Variants in TRAPPC11 observed in about 807,000 individuals in gnomAD.
TRAPPC11 encodes trafficking protein particle complex subunit 11.
A neutral mutation model predicts 151.2 loss-of-function variants in TRAPPC11; 104 were observed. The ratio of observed to expected loss-of-function variants is 0.69; its 90% CI spans 0.59 to 0.81. The LOEUF (loss-of-function observed/expected upper bound fraction) is 0.81, where lower values mean the gene tolerates loss of function less well. TRAPPC11 is among the 30% of genes least tolerant of loss of function. The pLI is 0.00. For missense variants in TRAPPC11, 1,230 were observed against 1,349.6 expected (o/e 0.91, Z 1.39); for synonymous variants, 456 against 472.3 (o/e 0.97, Z 0.45).
chr4:183,694,695 A>G lies in TRAPPC11; in HGVS notation c.2600A>G (p.Glu867Gly), dbSNP rs1457641445. The G allele has an allele frequency of 1.2e-6, 2 of 1,608,910 alleles. No individual in the cohort carries two copies. Among genetic ancestry groups the G allele is most frequent in the Middle Eastern group, 1.6e-4 (1 of 6,078 alleles). The change falls in exon 23 of 30, where the codon GAA becomes GGA. Residue 867 changes from glutamate (E) to glycine (G), a missense_variant. By Grantham distance (98) the Glu-to-Gly change is moderately conservative. Coordinates refer to ENST00000334690, the MANE Select transcript of TRAPPC11 (RefSeq NM_021942.6). ...TACCTGATAAATACAACCGTTGAAGAAAAAGAAATTGTTTGCAAGTGTCAC... is the reference window on the plus strand; with the variant it reads ...TACCTGATAAATACAACCGTTGAAGGAAAAGAAATTGTTTGCAAGTGTCAC... ...VSYLINTTVE[E>G]KEIVCKCHKD... is the part of the protein sequence containing the mutation.
intron 29 of TRAPPC11, 107 bp downstream of exon 29, chr4:183,708,681 G>C (rs183949486): frequency 3.8e-6 from 4 of 1,046,116 alleles, no homozygotes; most frequent in African/African-American, 1.6e-5. Flanking sequence ...AACAGTGATA[G>C]TTTTGCCTTT....
intron 10 of TRAPPC11, among the ~76,000 whole-genome samples, chr4:183,680,771 A>T (rs62357993): frequency 8.7e-5 from 12 of 137,718 alleles, no homozygotes; most frequent in African/African-American, 3.3e-4. Flanking sequence ...TGCATCCTCC[A>T]TCTCTTCATC....
At chr4:183,684,507 A>G in intron 14 of TRAPPC11, 148 bp downstream of exon 14, 8 of 1,006,026 alleles carry the variant, frequency 8.0e-6, no homozygotes, top group Admixed American at 5.4e-5. Context: ...TTCAAGTGCT[A>G]TTGATGGCAC....
intron 27 of TRAPPC11, among the ~76,000 whole-genome samples, 193 bp from the exon 28 acceptor site, chr4:183,706,614 C>T (rs1458631121): frequency 6.6e-6 from 1 of 152,138 alleles, no homozygotes; most frequent in Non-Finnish European, 1.5e-5. Context: ...GAAGGACACT[C>T]ATTTCCTTAG....
chr4:183,679,368 T>C lies in TRAPPC11; in HGVS notation c.847T>C (p.Phe283Leu). 6.2e-7 allele frequency: 1 copy of C among 1,609,476 alleles called. No homozygotes were observed. The highest frequency in any genetic ancestry group is 8.5e-7 in the Non-Finnish European group (1 of 1,178,316). Reference protein sequence around the residue: ...FINYKICRLCFQHNTPLDAIA... With the variant: ...FINYKICRLCLQHNTPLDAIA... ...CATTTTGCAGATCTGTAGGCTGTGT[T>C]TTCAACACAACACCCCATTGGATGC... The change falls in exon 9 of 30, where the codon TTT (phenylalanine) becomes CTT (leucine). Residue 283 changes from phenylalanine (F) to leucine (L), a missense_variant. By Grantham distance (22) the Phe-to-Leu change is conservative (BLOSUM62 0). Transcript: ENST00000334690.
rs1737248716 is a variant in TRAPPC11, at chr4:183,709,734, C to T, written c.3357+1160C>T. ...AGCTTGCAGTGAGTGGAGGTTGTGCCACTGCACTCCAGCCTGGGCAACAGA... is the reference window on the plus strand; with the variant it reads ...AGCTTGCAGTGAGTGGAGGTTGTGCTACTGCACTCCAGCCTGGGCAACAGA... On this transcript the variant is annotated intron_variant, in intron 29 of 29. Transcript: ENST00000334690. 3.9e-5 allele frequency among the ~76,000 whole-genome samples: 6 copies of T among 152,284 alleles called. No homozygotes were observed. The South Asian group carries it at 1.2e-3, about 32-fold the overall frequency.
At chr4:183,701,599 G>A in intron 25 of TRAPPC11, 98 bp from the exon 26 acceptor site, 1 of 791,054 alleles carries the variant, frequency 1.3e-6, no homozygotes, top group South Asian at 1.5e-5. Context: ...AATATATAGT[G>A]GGTGAGGTGT....
chr4:183,679,689 C>G (rs1245189974), intron 9 of TRAPPC11, among the ~76,000 whole-genome samples: 1 of 152,098 alleles, frequency 6.6e-6, no homozygotes, highest in Non-Finnish European at 1.5e-5. Flanking sequence ...ATTCATGGTA[C>G]CATCTTTTTC....
At chr4:183,668,821 T>C (rs1055268919) in intron 5 of TRAPPC11, among the ~76,000 whole-genome samples, 6 of 152,256 alleles carry the variant, frequency 3.9e-5, no homozygotes, top group Non-Finnish European at 5.9e-5. Flanking sequence ...TAGTAGTACA[T>C]TTTATGCTAG....
intron 29 of TRAPPC11, among the ~76,000 whole-genome samples, chr4:183,712,145 G>A (rs144091685): frequency 7.9e-5 from 12 of 152,306 alleles, no homozygotes; most frequent in African/African-American, 2.6e-4. Flanking sequence ...GAACTTACCT[G>A]TCAGCTCAGG....
In TRAPPC11 at chr4:183,708,643, A is replaced by G. The variant is rs1479308510; in HGVS notation, c.3357+69A>G. 6.3e-6 allele frequency: 9 copies of G among 1,424,428 alleles called. No homozygotes were observed. The African/African-American group carries it at 9.9e-5, about 16-fold the overall frequency. 88.2% of individuals were successfully genotyped at this position (1,424,428 alleles called of 1,614,324 possible). A position where few individuals can be genotyped will look rare whatever the true frequency, so the allele number is the denominator to read the frequency against. On this transcript the variant is annotated intron_variant, in intron 29 of 29. Coordinates refer to ENST00000334690, the MANE Select transcript of TRAPPC11 (RefSeq NM_021942.6). ...AAACAAACAGACTTCTTTTTCATGTAAACTTCACTGAACAGTATTTTGAGA... is the reference window on the plus strand; with the variant it reads ...AAACAAACAGACTTCTTTTTCATGTGAACTTCACTGAACAGTATTTTGAGA...
Position 183,712,745 on chromosome 4 carries a change from CTTTTCTAT to C in TRAPPC11, c.*106_*113del. The C allele has an allele frequency of 8.0e-7, 1 of 1,245,358 alleles. No homozygotes were observed. The highest frequency in any genetic ancestry group is 1.3e-5 in the South Asian group (1 of 77,644). 77.1% of individuals were successfully genotyped at this position (1,245,358 alleles called of 1,614,324 possible). The stretch of plus-strand genomic sequence containing the variant: ...GCTTTGATCATGGTAAAAAGTTAAC[CTTTTCTAT>C]TTTTTAATGGATGTTATACCAACTA... On this transcript the variant is annotated 3_prime_UTR_variant, in exon 30 of 30. Coordinates refer to ENST00000334690, the MANE Select transcript of TRAPPC11 (RefSeq NM_021942.6).
chr4:183,679,601 TTGA>T, intron 9 of TRAPPC11, 115 bp downstream of exon 9: 1 of 761,510 alleles, frequency 1.3e-6, no homozygotes, highest in South Asian at 2.1e-5. Flanking sequence ...AAGTAGGTTT[TTGA>T]TGATGTAGCA....
chr4:183,663,463 G>A (rs940702096), intron 1 of TRAPPC11, among the ~76,000 whole-genome samples: 2 of 151,760 alleles, frequency 1.3e-5, no homozygotes, highest in Non-Finnish European at 2.9e-5. Context: ...TCGATCTCCT[G>A]ACCTCGTGAT....
At chr4:183,712,244 A>G (rs1188495969) in intron 29 of TRAPPC11, among the ~76,000 whole-genome samples, 6 of 152,220 alleles carry the variant, frequency 3.9e-5, no homozygotes, top group African/African-American at 1.4e-4. Context: ...ATGATAAACA[A>G]GGTTCCATTC....
chr4:183,672,894 AG>A (rs1735222305), intron 5 of TRAPPC11, among the ~76,000 whole-genome samples: 1 of 151,770 alleles, frequency 6.6e-6, no homozygotes, highest in African/African-American at 2.4e-5. Flanking sequence ...AATAGTCTGT[AG>A]ACATATTTCT....
intron 10 of TRAPPC11, among the ~76,000 whole-genome samples, chr4:183,681,500 G>T (rs1199652133): frequency 6.6e-6 from 1 of 152,204 alleles, no homozygotes; most frequent in East Asian, 1.9e-4. Flanking sequence ...AAATTAATGG[G>T]CCGGGTGCGG....
At chr4:183,684,088 C>T in intron 12 of TRAPPC11, 34 bp downstream of exon 12, 1 of 1,606,708 alleles carries the variant, frequency 6.2e-7, no homozygotes, top group Non-Finnish European at 8.5e-7. Context: ...CTATTTTTTA[C>T]ACTATTTAAG....
At position 183,693,910 on chromosome 4, in the gene TRAPPC11, CTT is replaced by C. The variant is rs1736392154; in HGVS notation, c.2387-4_2387-3del. On this transcript the variant is annotated splice_region_variant and splice_polypyrimidine_tract_variant and intron_variant, in intron 21 of 29. Transcript: ENST00000334690. Reference sequence around the variant, plus strand: ...TTGTTTTGAAGAACCAATATTAACTCTTTTAGGACAGGATGCCAATTTAACTC... The same window carrying C: ...TTGTTTTGAAGAACCAATATTAACTCTTAGGACAGGATGCCAATTTAACTC... 1 of 1,613,030 alleles carries C rather than the reference CTT, an allele frequency of 6.2e-7. No homozygotes were observed. The highest frequency in any genetic ancestry group is 1.3e-5 in the African/African-American group (1 of 75,010).
Sources: allele counts gnomAD v4.1 joint callset (sites outside exome capture counted in the v4.1 genomes callset), GRCh38; gene constraint gnomAD v4.1.1; transcripts MANE v1.5; gene names NCBI Gene and HGNC (gene_info 2026-07-23, HGNC 2026-07-21).